Variants in PAK3 observed in about 807,000 individuals in gnomAD.
The protein encoded by PAK3 is p21 (RAC1) activated kinase 3, also known as serine/threonine-protein kinase PAK 3.
In PAK3, 4 loss-of-function variants were observed where a neutral mutation model predicts 41.0. The ratio of observed to expected loss-of-function variants is 0.10; its 90% CI spans 0.05 to 0.22. The LOEUF is 0.22. Among genes scored for constraint, PAK3 ranks in the 10% least tolerant of loss-of-function variants. PAK3 has a pLI of 1.00. For missense variants in PAK3, 205 were observed against 409.9 expected (o/e 0.50, Z 4.32); for synonymous variants, 146 against 139.6 (o/e 1.05, Z -0.32).
intron 1 of PAK3, among the ~76,000 whole-genome samples, chrX:110,976,076 A>G (rs1298091250): frequency 3.6e-5 from 4 of 112,332 alleles, no homozygotes; most frequent in Non-Finnish European, 7.5e-5. Context: ...AAAAACACCA[A>G]AAGCAATGGC....
At chrX:111,219,220 T>TAAGAAGAAG (rs2094907647) in intron 17 of PAK3, among the ~76,000 whole-genome samples, 1 of 98,985 alleles carries the variant, frequency 1.0e-5, no homozygotes, top group South Asian at 4.3e-4. Flanking sequence ...ATAATAATAA[T>TAAGAAGAAG]AATAATAATA....
In PAK3 at chrX:111,216,828, C is replaced by T. The variant is rs113242374; in HGVS notation, c.1545+270C>T. 508 of 427,572 alleles carry T rather than the reference C, an allele frequency of 1.2e-3. 5 individuals are homozygous for T. In the African/African-American group the frequency reaches 0.013, roughly 11 times the overall value. The allele number at this position is 427,572 out of a possible 1,213,427, so 35.2% of individuals were successfully genotyped here. On this transcript the variant is annotated intron_variant, in intron 17 of 17. Transcript: ENST00000372007. ...AGGAAAAAAAAAAAAGCAATGTGAC[C>T]CTCTGGTGTTGGTGTTTTGTTCTAA...
chrX:111,043,787 C>G (rs1294288066), intron 1 of PAK3, among the ~76,000 whole-genome samples: 1 of 111,470 alleles, frequency 9.0e-6, no homozygotes, highest in Non-Finnish European at 1.9e-5. Context: ...TCATTTGGAG[C>G]CCTAGTTTTC....
At chrX:111,006,775 C>G (rs1360459180) in intron 1 of PAK3, among the ~76,000 whole-genome samples, 2 of 109,529 alleles carry the variant, frequency 1.8e-5, no homozygotes, top group Non-Finnish European at 3.8e-5. Flanking sequence ...GTTTCTGATT[C>G]GGAAAGTCTG....
At chrX:111,212,473 C>T (rs189366845) in intron 16 of PAK3, among the ~76,000 whole-genome samples, 5 of 111,205 alleles carry the variant, frequency 4.5e-5, no homozygotes, top group African/African-American at 9.8e-5. Context: ...TTATTTGGAC[C>T]TCAGAGTACA....
intron 1 of PAK3, among the ~76,000 whole-genome samples, chrX:110,969,539 G>T (rs2091163483): frequency 9.6e-6 from 1 of 104,632 alleles, no homozygotes; most frequent in African/African-American, 3.5e-5. Context: ...GACCTCAGGT[G>T]ATCTGCCCAC....
intron 1 of PAK3, among the ~76,000 whole-genome samples, chrX:111,000,789 C>T (rs1172083739): frequency 8.9e-6 from 1 of 111,920 alleles, no homozygotes; most frequent in Non-Finnish European, 1.9e-5. Flanking sequence ...AAAACTAGCC[C>T]TGCCCTCCTG....
At chrX:111,100,105 C>G (rs982197961) in intron 3 of PAK3, among the ~76,000 whole-genome samples, 7 of 110,589 alleles carry the variant, frequency 6.3e-5, no homozygotes, top group Admixed American at 9.5e-5. Flanking sequence ...ACCCTATAAC[C>G]AAGCCCCTGA....
chrX:111,144,262 G>A (rs1300540564), intron 6 of PAK3, among the ~76,000 whole-genome samples: 1 of 111,653 alleles, frequency 9.0e-6, no homozygotes, highest in Admixed American at 9.5e-5. Flanking sequence ...ATAGCTGTTC[G>A]GAAGTATTCC....
chrX:111,070,680 C>T (rs971180255), intron 1 of PAK3, among the ~76,000 whole-genome samples: 1 of 111,919 alleles, frequency 8.9e-6, no homozygotes, highest in Admixed American at 9.5e-5. Flanking sequence ...GATGTAGTTC[C>T]CTTCTTTCAG....
intron 10 of PAK3, among the ~76,000 whole-genome samples, chrX:111,172,586 G>A (rs1433225792): frequency 9.0e-6 from 1 of 110,989 alleles, no homozygotes; most frequent in African/African-American, 3.3e-5. Context: ...ACTTATAAGC[G>A]ACAACATGCA....
intron 1 of PAK3, among the ~76,000 whole-genome samples, chrX:110,977,623 G>A (rs2091364458): frequency 9.0e-6 from 1 of 111,061 alleles, no homozygotes; most frequent in Admixed American, 9.6e-5. Context: ...CACTTATTTT[G>A]TTAAATTTAT....
intron 17 of PAK3, chrX:111,217,508 C>T: frequency 1.0e-6 from 1 of 969,815 alleles, no homozygotes; most frequent in Non-Finnish European, 1.3e-6. Context: ...TAGCCTACTC[C>T]CTGAAAGAAA....
intron 1 of PAK3, among the ~76,000 whole-genome samples, chrX:111,020,524 G>A (rs1363685474): frequency 9.0e-6 from 1 of 111,264 alleles, no homozygotes; most frequent in Non-Finnish European, 1.9e-5. Context: ...GATTAAGATG[G>A]CAGATAGGAG....
chrX:111,188,517 G>A (rs1449388404), intron 11 of PAK3, among the ~76,000 whole-genome samples: 1 of 111,867 alleles, frequency 8.9e-6, no homozygotes, highest in Non-Finnish European at 1.9e-5. Context: ...TAGGGGGGGA[G>A]AAAGGATGTG....
chrX:111,226,620 G>T lies in PAK3; in HGVS notation c.*6173G>T, dbSNP rs1422191967. 7.1e-5 allele frequency: 8 copies of T among 112,174 alleles called. No homozygotes were observed. In the East Asian group the frequency reaches 2.2e-3, roughly 31 times the overall value. The allele number at this position is 112,174 out of a possible 1,213,427, so 9.2% of individuals were successfully genotyped here. ...AGAAATGTTGACAAATTAATTTGTT[G>T]GGAACCAAAGATAGCATTTCTGATG... On this transcript the variant is annotated 3_prime_UTR_variant, in exon 18 of 18. Coordinates refer to ENST00000372007, the MANE Select transcript of PAK3 (RefSeq NM_002578.5).
chrX:111,011,514 C>T (rs1273474667), intron 1 of PAK3, among the ~76,000 whole-genome samples: 1 of 112,238 alleles, frequency 8.9e-6, no homozygotes, highest in East Asian at 2.8e-4. Flanking sequence ...ACATGCAGGA[C>T]AGTGGACCAG....
intron 1 of PAK3, among the ~76,000 whole-genome samples, chrX:111,054,802 A>G (rs2092589609): frequency 9.0e-6 from 1 of 111,253 alleles, no homozygotes; most frequent in Admixed American, 9.5e-5. Context: ...TGCCTCCACC[A>G]TCACCTCAGC....
intron 14 of PAK3, among the ~76,000 whole-genome samples, chrX:111,195,425 G>A (rs1311192927): frequency 5.4e-5 from 6 of 111,881 alleles, no homozygotes; most frequent in Non-Finnish European, 1.1e-4. Flanking sequence ...AATAGTTTGG[G>A]GCACTTGTTT....
Sources: allele counts gnomAD v4.1 joint callset (sites outside exome capture counted in the v4.1 genomes callset), GRCh38; gene constraint gnomAD v4.1.1; transcripts MANE v1.5; gene names NCBI Gene and HGNC (gene_info 2026-07-23, HGNC 2026-07-21).